Variants in CERKL observed in about 807,000 individuals in gnomAD.
The protein encoded by CERKL is CERK like autophagy regulator.
CERKL carries 61 observed loss-of-function variants against 63.4 expected under a neutral mutation model. The ratio of observed to expected loss-of-function variants is 0.96; its 90% CI spans 0.78 to 1.19. The LOEUF (loss-of-function observed/expected upper bound fraction) is 1.19. Ranked by LOEUF, CERKL falls within the 50% of genes most tolerant of loss-of-function variation. CERKL has a pLI of 0.00. For synonymous variants in CERKL, 250 were observed against 230.5 expected, an observed-to-expected ratio of 1.08 and a Z score of -0.77; for missense variants, 675 against 655.5, an observed-to-expected ratio of 1.03 and a Z score of -0.33.
chr2:181,557,388 T>C lies in CERKL; in HGVS notation c.820+1178A>G, dbSNP rs545862223. 3.1e-4 allele frequency among the ~76,000 whole-genome samples: 47 copies of C among 152,356 alleles called. No individual in the cohort carries two copies. The South Asian group carries it at 3.5e-3, about 11-fold the overall frequency. Reference sequence around the variant, plus strand: ...TATGGTTTTAAGTCTAATGTTTAAGTCTTTAATCCATCTTGAATTAATTTT... The same window carrying C: ...TATGGTTTTAAGTCTAATGTTTAAGCCTTTAATCCATCTTGAATTAATTTT... On this transcript the variant is annotated intron_variant, in intron 5 of 12. Transcript: ENST00000410087.
chr2:181,574,113 T>G (rs1423526786), intron 2 of CERKL, among the ~76,000 whole-genome samples: 1 of 152,162 alleles, frequency 6.6e-6, no homozygotes, highest in Non-Finnish European at 1.5e-5. Context: ...GTTAGAACAA[T>G]ATATTTAATT....
At chr2:181,643,811 C>A (rs1687551500) in intron 1 of CERKL, among the ~76,000 whole-genome samples, 1 of 152,136 alleles carries the variant, frequency 6.6e-6, no homozygotes, top group Admixed American at 6.5e-5. Flanking sequence ...CTAATCTTAC[C>A]CATTACTTAC....
intron 1 of CERKL, among the ~76,000 whole-genome samples, chr2:181,640,203 T>G (rs1023013716): frequency 6.6e-6 from 1 of 152,190 alleles, no homozygotes; most frequent in African/African-American, 2.4e-5. Context: ...GCAAATGGTT[T>G]AATGTCCTTC....
rs556603524 is a variant in CERKL at position 181,581,038 on chromosome 2, G to T, written c.482-7154C>A. Among the ~76,000 whole-genome samples the T allele has an allele frequency of 2.0e-5, 3 of 152,220 alleles. No individual in the cohort carries two copies. In the South Asian group the frequency reaches 6.2e-4, roughly 32 times the overall value. On this transcript the variant is annotated intron_variant, in intron 2 of 12. Transcript: ENST00000410087. ...ACCCTGCTACAAGGAGGCAACCCAG[G>T]TTTCCTCCTAGTTTCTAGACATATA...
intron 12 of CERKL, among the ~76,000 whole-genome samples, chr2:181,538,777 T>C (rs915511146): frequency 5.7e-4 from 87 of 152,300 alleles, no homozygotes; most frequent in African/African-American, 2.0e-3. Flanking sequence ...AGATTTAAGA[T>C]CTTGATCCAT....
intron 1 of CERKL, among the ~76,000 whole-genome samples, chr2:181,608,172 CT>C (rs1030556345): frequency 0.024 from 3,408 of 144,726 alleles, 108 homozygotes; most frequent in African/African-American, 0.079. Context: ...ACCCAGCTCA[CT>C]TTTTTTTTTT....
At chr2:181,627,087 G>A (rs1686740246) in intron 1 of CERKL, among the ~76,000 whole-genome samples, 1 of 152,110 alleles carries the variant, frequency 6.6e-6, no homozygotes, top group Admixed American at 6.6e-5. Context: ...AATCTATTTA[G>A]CTGCAAAATT....
At chr2:181,608,086 C>A (rs1333483875) in intron 1 of CERKL, among the ~76,000 whole-genome samples, 2 of 152,020 alleles carry the variant, frequency 1.3e-5, no homozygotes, top group African/African-American at 4.8e-5. Context: ...TGCACTACAG[C>A]CCTGAACTCC....
rs1351022980 is a variant in CERKL at position 181,560,026 on chromosome 2, C to T, written c.678-1318G>A. On this transcript the variant is annotated intron_variant, in intron 4 of 12. Transcript: ENST00000410087. ...ATTCAGAGAAAAGGAATGATGTTTA[C>T]TAAGGACAAACTATATATCAGGTAA... 5.9e-5 allele frequency among the ~76,000 whole-genome samples: 9 copies of T among 152,140 alleles called. No individual in the cohort carries two copies. The East Asian group carries it at 7.7e-4, about 13-fold the overall frequency.
chr2:181,592,237 A>C (rs1394647207), intron 2 of CERKL, among the ~76,000 whole-genome samples: 1 of 152,164 alleles, frequency 6.6e-6, no homozygotes, highest in Non-Finnish European at 1.5e-5. Flanking sequence ...TGTTATAAAC[A>C]TTTTAAATGT....
In CERKL at chr2:181,547,738, G is replaced by A. The variant is rs1468409121; in HGVS notation, c.1160-12C>T. 2 of 1,613,642 alleles carry A rather than the reference G, an allele frequency of 1.2e-6. No homozygotes were observed. The highest frequency in any genetic ancestry group is 2.2e-5 in the East Asian group (1 of 44,870). On this transcript the variant is annotated splice_polypyrimidine_tract_variant and intron_variant, in intron 9 of 12. Transcript: ENST00000410087. ...TTGATCATTACAGTCTAAAGGTAAT[G>A]AAAGTGATTGGTTATTTTCCCTCAC...
At chr2:181,565,932 A>G (rs1036533646) in intron 4 of CERKL, 126 bp downstream of exon 4, 1 of 680,566 alleles carries the variant, frequency 1.5e-6, no homozygotes. Flanking sequence ...GATATGAACA[A>G]GATAGAGCCA....
chr2:181,605,415 G>T lies in CERKL; in HGVS notation c.239-1336C>A, dbSNP rs149400487. The stretch of plus-strand genomic sequence containing the variant: ...CAAAGCCAGATAAGAACTACTAGAA[G>T]AATTAACAGTACAATGCTTAGAGAT... On this transcript the variant is annotated intron_variant, in intron 1 of 12. Transcript: ENST00000410087. Among the ~76,000 whole-genome samples the T allele has an allele frequency of 1.1e-3, 162 of 152,312 alleles. No homozygotes were observed. In the Middle Eastern group the frequency reaches 0.02, roughly 19 times the overall value.
intron 1 of CERKL, among the ~76,000 whole-genome samples, chr2:181,627,240 T>C (rs1319610611): frequency 6.6e-6 from 1 of 152,182 alleles, no homozygotes; most frequent in Non-Finnish European, 1.5e-5. Context: ...AAGTTCTTAT[T>C]TTCAATTTAC....
intron 2 of CERKL, among the ~76,000 whole-genome samples, chr2:181,577,329 G>A (rs1052754976): frequency 4.6e-5 from 7 of 152,300 alleles, no homozygotes; most frequent in Middle Eastern, 3.4e-3. Context: ...GCCAGCTAGA[G>A]GTATCTAATG....
chr2:181,595,879 T>C (rs1685183846), intron 2 of CERKL, among the ~76,000 whole-genome samples: 1 of 152,202 alleles, frequency 6.6e-6, no homozygotes, highest in South Asian at 2.1e-4. Context: ...GAAGATTTAA[T>C]GAGATAATTC....
chr2:181,651,333 C>T (rs372381053), intron 1 of CERKL, among the ~76,000 whole-genome samples: 10 of 152,240 alleles, frequency 6.6e-5, no homozygotes, highest in South Asian at 2.1e-4. Context: ...CATTCAAGTG[C>T]GATTCATCAC....
intron 4 of CERKL, among the ~76,000 whole-genome samples, chr2:181,563,307 G>A (rs1264822051): frequency 6.6e-6 from 1 of 151,964 alleles, no homozygotes; most frequent in African/African-American, 2.4e-5. Flanking sequence ...GTCACAAGAT[G>A]TCTCATAGAA....
chr2:181,564,863 G>A (rs1230925484), intron 4 of CERKL, among the ~76,000 whole-genome samples: 1 of 152,120 alleles, frequency 6.6e-6, no homozygotes. Flanking sequence ...ATACTTGTAA[G>A]ACAATTTTCT....
Sources: allele counts gnomAD v4.1 joint callset (sites outside exome capture counted in the v4.1 genomes callset), GRCh38; gene constraint gnomAD v4.1.1; transcripts MANE v1.5; gene names NCBI Gene and HGNC (gene_info 2026-07-23, HGNC 2026-07-21).